ESCO1: variants seen among roughly 807,000 people sequenced by gnomAD.
ESCO1 encodes the protein N-acetyltransferase ESCO1.
A neutral mutation model predicts 83.5 loss-of-function variants in ESCO1; 33 were observed. That is an observed-to-expected ratio of 0.40 (90% CI 0.30 to 0.53). The LOEUF (loss-of-function observed/expected upper bound fraction) is 0.53, where lower values mean the gene tolerates loss of function less well. Among genes scored for constraint, ESCO1 ranks in the 20% least tolerant of loss-of-function variants. ESCO1 has a pLI of 0.63. For synonymous variants in ESCO1, 332 were observed against 324.3 expected (o/e 1.02, Z -0.25); for missense variants, 855 against 968.0 (o/e 0.88, Z 1.55).
chr18:21,568,254 T>C (rs2038289737), intron 4 of ESCO1, among the ~76,000 whole-genome samples, 160 bp from the exon 5 acceptor site: 2 of 152,210 alleles, frequency 1.3e-5, no homozygotes, highest in South Asian at 2.1e-4. Context: ...AGCTACCCTC[T>C]CACCATCAGG....
At chr18:21,537,455 G>C (rs1249587870) in intron 9 of ESCO1, among the ~76,000 whole-genome samples, 3 of 152,060 alleles carry the variant, frequency 2.0e-5, no homozygotes, top group African/African-American at 7.2e-5. Context: ...GGGTCACTTG[G>C]GCTCAGGAGT....
At chr18:21,582,078 C>G (rs1299746607) in intron 2 of ESCO1, among the ~76,000 whole-genome samples, 2 of 152,014 alleles carry the variant, frequency 1.3e-5, no homozygotes, top group African/African-American at 4.8e-5. Flanking sequence ...ACAGAGACCC[C>G]ATCTCCAATA....
intron 1 of ESCO1, among the ~76,000 whole-genome samples, chr18:21,592,579 C>T (rs1179784400): frequency 1.4e-5 from 2 of 146,474 alleles, no homozygotes; most frequent in African/African-American, 5.1e-5. Context: ...CCCTCCCGGA[C>T]GGGGCGGCTG....
At chr18:21,556,630 T>C (rs2038115493) in intron 8 of ESCO1, among the ~76,000 whole-genome samples, 2 of 152,164 alleles carry the variant, frequency 1.3e-5, no homozygotes, top group Admixed American at 1.3e-4. Flanking sequence ...ACAGTATTTT[T>C]AATTTCATGT....
rs1429232578 is a variant in ESCO1, at chr18:21,579,790, GCGCGCACACACACACA to G, written c.-693-4029_-693-4014del. On this transcript the variant is annotated intron_variant, in intron 2 of 11. Transcript: ENST00000269214. ...GATTCTGACACACACACACACGCGC[GCGCGCACACACACACA>G]CACACACACACACACACACACACAC... is the stretch of plus-strand genomic sequence containing the variant. 5.2e-4 allele frequency among the ~76,000 whole-genome samples: 21 copies of G among 40,314 alleles called. 1 individual carries two copies. The highest frequency in any genetic ancestry group is 2.1e-3 in the East Asian group (3 of 1,398). The allele number at this position is 40,314 out of a possible 152,430, so 26.4% of individuals were successfully genotyped here.
intron 1 of ESCO1, among the ~76,000 whole-genome samples, chr18:21,599,207 G>A (rs1220271001): frequency 2.6e-5 from 4 of 152,166 alleles, no homozygotes; most frequent in Non-Finnish European, 4.4e-5. Flanking sequence ...CATGGTAGCG[G>A]ACGCCTGTAG....
rs184371834 is a variant in ESCO1, at chr18:21,591,000, A to C, written c.-824-6560T>G. On this transcript the variant is annotated intron_variant, in intron 1 of 11. Coordinates refer to ENST00000269214, the MANE Select transcript of ESCO1 (RefSeq NM_052911.3). ...CTTGAAATTATACCCTTTTCTCTAA[A>C]ACTCTCCAGTAGTGGCTAAATGGTG... Among the ~76,000 whole-genome samples the C allele has an allele frequency of 2.6e-5, 4 of 152,242 alleles. No individual in the cohort carries two copies. The East Asian group carries it at 7.7e-4, about 29-fold the overall frequency.
rs78619097 is a variant in ESCO1, at chr18:21,538,536, T to G, written c.2043+1384A>C. Among the ~76,000 whole-genome samples the G allele has an allele frequency of 4.6e-3, 704 of 152,320 alleles. 1 individual carries two copies. The highest frequency in any genetic ancestry group is 7.5e-3 in the Non-Finnish European group (507 of 68,012). On this transcript the variant is annotated intron_variant, in intron 9 of 11. Coordinates refer to ENST00000269214, the MANE Select transcript of ESCO1 (RefSeq NM_052911.3). ...AGTAATATGAAAGCTTATTTGGGTATCTAAGATTGTCCATTCGGATAAACA... is the reference window on the plus strand; with the variant it reads ...AGTAATATGAAAGCTTATTTGGGTAGCTAAGATTGTCCATTCGGATAAACA...
At chr18:21,535,510 A>G (rs577586729) in intron 10 of ESCO1, among the ~76,000 whole-genome samples, 18 of 151,908 alleles carry the variant, frequency 1.2e-4, no homozygotes, top group African/African-American at 3.6e-4. Flanking sequence ...AGCCTCCCCA[A>G]TAGCTGGGAC....
In ESCO1 at chr18:21,574,073, C is replaced by T. The variant is rs778761086; in HGVS notation, c.771G>A (p.Pro257=). 54 of 1,612,402 alleles carry T rather than the reference C, an allele frequency of 3.3e-5. No individual in the cohort carries two copies. Among genetic ancestry groups the T allele is most frequent in the Middle Eastern group, 1.6e-4 (1 of 6,084 alleles). The part of the protein sequence containing the change: ...KRSKMATSVV[P]KKNEMKKSVH... ...CCGACTTCTTCATCTCATTCTTTTT[C>T]GGGACCACTGAAGTAGCCATTTTTG... Residue 257 remains proline, a synonymous_variant, in exon 4 of 12, where the codon CCG becomes CCA. Transcript: ENST00000269214.
chr18:21,577,273 C>T (rs544448765), intron 2 of ESCO1, among the ~76,000 whole-genome samples: 33 of 146,268 alleles, frequency 2.3e-4, no homozygotes, highest in African/African-American at 8.3e-4. Flanking sequence ...AGGAGAATCA[C>T]TTGAACCTGG....
rs139191069 is a variant in ESCO1, at chr18:21,556,114, G to A, written c.1953+4745C>T. On this transcript the variant is annotated intron_variant, in intron 8 of 11. Coordinates refer to ENST00000269214, the MANE Select transcript of ESCO1 (RefSeq NM_052911.3). ...TACAAAAAATACAAAAATTAGCCAG[G>A]CATGGTGGCACACAACTTAGTGCCA... Among the ~76,000 whole-genome samples, 252 of 151,862 alleles carry A rather than the reference G, an allele frequency of 1.7e-3. 2 individuals are homozygous for A. The East Asian group carries it at 0.033, about 20-fold the overall frequency.
At chr18:21,544,004 T>C (rs2037939312) in intron 8 of ESCO1, among the ~76,000 whole-genome samples, 1 of 152,202 alleles carries the variant, frequency 6.6e-6, no homozygotes, top group South Asian at 2.1e-4. Flanking sequence ...CCAAGCGCAG[T>C]GGCTCACACC....
At chr18:21,594,848 T>C (rs1442460830) in intron 1 of ESCO1, among the ~76,000 whole-genome samples, 1 of 152,056 alleles carries the variant, frequency 6.6e-6, no homozygotes, top group African/African-American at 2.4e-5. Flanking sequence ...GGGAGCAACT[T>C]TAACTTCTTA....
At chr18:21,565,997 A>G in intron 6 of ESCO1, 149 bp downstream of exon 6, 1 of 582,618 alleles carries the variant, frequency 1.7e-6, no homozygotes, top group Non-Finnish European at 3.0e-6. Context: ...CATAGTAAAC[A>G]GTATGTATAG....
chr18:21,546,750 T>A (rs1047088942), intron 8 of ESCO1, among the ~76,000 whole-genome samples: 3 of 152,168 alleles, frequency 2.0e-5, no homozygotes, highest in African/African-American at 7.2e-5. Flanking sequence ...TTTTGCCATG[T>A]TCCCCAGGCT....
intron 4 of ESCO1, among the ~76,000 whole-genome samples, chr18:21,571,481 C>G (rs943661099): frequency 9.9e-5 from 15 of 152,150 alleles, no homozygotes; most frequent in African/African-American, 3.6e-4. Flanking sequence ...TGAGCCACCA[C>G]GCCTGGCAGG....
At chr18:21,589,063 G>A (rs554612187) in intron 1 of ESCO1, among the ~76,000 whole-genome samples, 30 of 152,146 alleles carry the variant, frequency 2.0e-4, no homozygotes, top group African/African-American at 7.0e-4. Flanking sequence ...CCAACATGGT[G>A]AAACCACATC....
At chr18:21,547,368 A>T (rs926765864) in intron 8 of ESCO1, among the ~76,000 whole-genome samples, 3 of 140,158 alleles carry the variant, frequency 2.1e-5, no homozygotes, top group African/African-American at 7.9e-5. Flanking sequence ...AAAAAAAAAA[A>T]CTAAAGAGAA....
Sources: gnomAD v4.1 joint callset for allele counts (sites outside exome capture counted in the v4.1 genomes callset) on GRCh38, gnomAD v4.1.1 for gene constraint, MANE v1.5 for transcripts, NCBI Gene and HGNC (gene_info 2026-07-23, HGNC 2026-07-21) for gene names.